TMEM272: variants seen among roughly 807,000 people sequenced by gnomAD.
TMEM272 encodes the protein transmembrane protein 272.
A neutral mutation model predicts 3.7 loss-of-function variants in TMEM272; 8 were observed. The ratio of observed to expected loss-of-function variants is 2.17; its 90% CI spans 1.27 to 3.91. TMEM272 has a LOEUF of 3.91. Among genes scored for constraint, TMEM272 ranks in the 30% most tolerant of loss-of-function variants. TMEM272 has a pLI of 0.00. For missense variants in TMEM272, 166 were observed against 91.5 expected (o/e 1.81, Z -3.32); for synonymous variants, 63 against 39.8 (o/e 1.58, Z -2.20).
At chr13:51,851,370 AGAAGAGGAAGAG>A in the TMEM272 span, among the ~76,000 whole-genome samples, 24 of 149,108 alleles carry the variant, frequency 1.6e-4, no homozygotes, top group Non-Finnish European at 3.2e-4. Flanking sequence ...AAGAAGAGGA[AGAAGAGGAAGAG>A]GAGGAGGAGG....
the TMEM272 span, chr13:51,933,076 G>C: frequency 6.6e-6 from 1 of 152,192 alleles, no homozygotes; most frequent in Non-Finnish European, 1.5e-5. Context: ...AACCATCCAA[G>C]GTGAAGGTCA....
chr13:51,901,632 C>T, the TMEM272 span, among the ~76,000 whole-genome samples: 2 of 152,144 alleles, frequency 1.3e-5, no homozygotes, highest in Non-Finnish European at 2.9e-5. Context: ...CTCTATTTTC[C>T]TTTCTGCCCT....
chr13:51,865,967 G>A, the TMEM272 span: 1 of 1,614,076 alleles, frequency 6.2e-7, no homozygotes, highest in South Asian at 1.1e-5. Context: ...GGAAGAGAGG[G>A]CCTTCTGGAT....
At chr13:51,929,828 G>C in the TMEM272 span, among the ~76,000 whole-genome samples, 1 of 152,272 alleles carries the variant, frequency 6.6e-6, no homozygotes, top group Non-Finnish European at 1.5e-5. Context: ...AGGAGGGCCA[G>C]ACAGGCAAGA....
At chr13:51,871,015 A>G in the TMEM272 span, among the ~76,000 whole-genome samples, 5 of 152,036 alleles carry the variant, frequency 3.3e-5, no homozygotes, top group African/African-American at 1.2e-4. Context: ...TTATGTGTTG[A>G]GACCTTCCTC....
intron 1 of TMEM272, among the ~76,000 whole-genome samples, chr13:51,843,591 G>C (rs732854): frequency 2.6e-5 from 4 of 152,126 alleles, no homozygotes; most frequent in African/African-American, 9.7e-5. Flanking sequence ...CTAAGAAAAC[G>C]TACATTTTTT....
At chr13:51,828,616 A>ACGGC (rs1466593141) in intron 2 of TMEM272, among the ~76,000 whole-genome samples, 1 of 152,134 alleles carries the variant, frequency 6.6e-6, no homozygotes, top group East Asian at 1.9e-4. Flanking sequence ...GTGCAACTTA[A>ACGGC]CGGCCCCAAG....
chr13:51,835,299 A>G (rs1297266044), intron 2 of TMEM272, among the ~76,000 whole-genome samples: 9 of 149,904 alleles, frequency 6.0e-5, no homozygotes, highest in Non-Finnish European at 1.0e-4. Context: ...ATCTCGGCTC[A>G]CTGCAACCTC....
the TMEM272 span, among the ~76,000 whole-genome samples, chr13:51,874,505 C>T: frequency 6.6e-6 from 1 of 152,178 alleles, no homozygotes; most frequent in African/African-American, 2.4e-5. Flanking sequence ...TCTGACTTCC[C>T]TGAGGGAAGG....
rs538677668 is a variant in TMEM272 at position 51,816,571 on chromosome 13, C to T, written c.*180G>A. The stretch of plus-strand genomic sequence containing the variant: ...CTAGGAAGGCAAGAGTTTCTTTAGT[C>T]TGCTATTATATTCAGTGCCTTTGGG... On this transcript the variant is annotated 3_prime_UTR_variant, in exon 5 of 5. Transcript: ENST00000629372. 6 of 537,570 alleles carry T rather than the reference C, an allele frequency of 1.1e-5. No homozygotes were observed. In the South Asian group the frequency reaches 1.4e-4, roughly 12 times the overall value. The allele number at this position is 537,570 out of a possible 1,614,324, so 33.3% of individuals were successfully genotyped here.
chr13:51,854,267 T>G, the TMEM272 span, among the ~76,000 whole-genome samples: 3 of 152,236 alleles, frequency 2.0e-5, no homozygotes, highest in African/African-American at 7.2e-5. Context: ...GCAAACACTT[T>G]ATGAACTGTG....
intron 3 of TMEM272, 70 bp from the exon 4 acceptor site, chr13:51,822,207 A>T: frequency 1.6e-6 from 1 of 635,746 alleles, no homozygotes; most frequent in Non-Finnish European, 2.8e-6. Flanking sequence ...TTTGAAAATG[A>T]GTGGAACACC....
At chr13:51,888,848 T>C in the TMEM272 span, among the ~76,000 whole-genome samples, 1 of 152,034 alleles carries the variant, frequency 6.6e-6, no homozygotes, top group Admixed American at 6.5e-5. Context: ...GGTTTCACTA[T>C]GTTGGCCAGG....
the TMEM272 span, among the ~76,000 whole-genome samples, chr13:51,886,254 G>T: frequency 6.6e-6 from 1 of 152,174 alleles, no homozygotes; most frequent in Admixed American, 6.5e-5. Flanking sequence ...GGAGAAGTTG[G>T]GATTAAAAAG....
intron 3 of TMEM272, among the ~76,000 whole-genome samples, chr13:51,826,138 CAAAAAAA>C (rs11295480): frequency 8.0e-4 from 99 of 123,196 alleles, no homozygotes; most frequent in African/African-American, 2.8e-3. Context: ...ATTCATTCAG[CAAAAAAA>C]AAAAAAAAAA....
chr13:51,838,997 A>G (rs1000726066), intron 1 of TMEM272, among the ~76,000 whole-genome samples: 4 of 152,180 alleles, frequency 2.6e-5, no homozygotes, highest in African/African-American at 9.6e-5. Context: ...CCCTAAGGCC[A>G]GAGCTGGCAA....
the TMEM272 span, among the ~76,000 whole-genome samples, chr13:51,925,475 T>C: frequency 6.6e-6 from 1 of 152,110 alleles, no homozygotes; most frequent in African/African-American, 2.4e-5. Context: ...CTAATCTAGA[T>C]GGTTTGTTTA....
chr13:51,922,459 G>T, the TMEM272 span, among the ~76,000 whole-genome samples: 10 of 152,150 alleles, frequency 6.6e-5, no homozygotes, highest in Non-Finnish European at 1.5e-5. Context: ...TTTGGGGACA[G>T]GGTCTGGCCC....
At chr13:51,893,249 G>C in the TMEM272 span, among the ~76,000 whole-genome samples, 1 of 152,230 alleles carries the variant, frequency 6.6e-6, no homozygotes, top group Non-Finnish European at 1.5e-5. Flanking sequence ...TATTTGTTTA[G>C]AGGATTAGGA....
Sources: gnomAD v4.1 joint callset for allele counts (sites outside exome capture counted in the v4.1 genomes callset) on GRCh38, gnomAD v4.1.1 for gene constraint, MANE v1.5 for transcripts, NCBI Gene and HGNC (gene_info 2026-07-23, HGNC 2026-07-21) for gene names.